The following AKT3 variants were observed in gnomAD, a reference collection of about 807,000 sequenced individuals.
AKT3 encodes AKT serine/threonine kinase 3.
Under a neutral mutation model 65.3 loss-of-function variants are expected in AKT3, and 15 were observed. The ratio of observed to expected loss-of-function variants is 0.23; its 90% CI spans 0.15 to 0.35. The LOEUF (loss-of-function observed/expected upper bound fraction) is 0.35, where lower values mean the gene tolerates loss of function less well. Among genes scored for constraint, AKT3 ranks in the 10% least tolerant of loss-of-function variants. The pLI, the probability that AKT3 is intolerant of heterozygous loss-of-function variation, is 1.00. For synonymous variants in AKT3, 206 were observed against 183.8 expected (o/e 1.12, Z -0.98); for missense variants, 243 against 576.5 (o/e 0.42, Z 5.92).
At chr1:243,788,107 T>G (rs981688084) in intron 2 of AKT3, among the ~76,000 whole-genome samples, 38 of 152,054 alleles carry the variant, frequency 2.5e-4, no homozygotes, top group African/African-American at 8.9e-4. Context: ...TCAGAGACAA[T>G]AATCTATTTT....
chr1:243,601,588 A>G (rs918966369), intron 8 of AKT3, among the ~76,000 whole-genome samples: 2 of 152,196 alleles, frequency 1.3e-5, no homozygotes, highest in African/African-American at 4.8e-5. Context: ...GATTAAAAAT[A>G]TATATTCACA....
At chr1:243,644,933 T>G (rs1680693114) in intron 5 of AKT3, among the ~76,000 whole-genome samples, 1 of 151,802 alleles carries the variant, frequency 6.6e-6, no homozygotes, top group Non-Finnish European at 1.5e-5. Flanking sequence ...ACAAACAGAG[T>G]AGAAATCTAC....
intron 5 of AKT3, among the ~76,000 whole-genome samples, chr1:243,642,503 G>T (rs984670622): frequency 1.3e-5 from 2 of 152,112 alleles, no homozygotes; most frequent in Admixed American, 6.5e-5. Context: ...TAGAGACGGG[G>T]TTTCACCGTG....
rs148282961 is a variant in AKT3 at position 243,846,754 on chromosome 1, T to C, written c.-113+3286A>G. Among the ~76,000 whole-genome samples, 29 of 152,340 alleles carry C rather than the reference T, an allele frequency of 1.9e-4. No individual in the cohort carries two copies. In the East Asian group the frequency reaches 4.6e-3, roughly 24 times the overall value. ...ACCAAATTTTGCAAATTTAGAATTA[T>C]CACTGTTAACTGTAATAATAGGTAC... On this transcript the variant is annotated intron_variant, in intron 1 of 13. Coordinates refer to ENST00000673466, the MANE Select transcript of AKT3 (RefSeq NM_005465.7).
chr1:243,547,324 T>C (rs1325324867), intron 11 of AKT3, among the ~76,000 whole-genome samples: 2 of 152,230 alleles, frequency 1.3e-5, no homozygotes, highest in African/African-American at 4.8e-5. Flanking sequence ...AATGACTTTT[T>C]AGTATTTATG....
chr1:243,654,082 A>G (rs1490489386), intron 4 of AKT3, among the ~76,000 whole-genome samples: 1 of 152,172 alleles, frequency 6.6e-6, no homozygotes, highest in African/African-American at 2.4e-5. Flanking sequence ...ATATGCCAGA[A>G]TAATTTCTAA....
chr1:243,689,481 GAT>G lies in AKT3; in HGVS notation c.172+6108_172+6109del, dbSNP rs1491342739. 2.3e-3 allele frequency among the ~76,000 whole-genome samples: 309 copies of G among 135,706 alleles called. 2 individuals carry two copies. Among genetic ancestry groups the G allele is most frequent in the African/African-American group, 8.4e-3 (293 of 34,806 alleles). 89.0% of individuals were successfully genotyped at this position (135,706 alleles called of 152,430 possible). A position where few individuals can be genotyped will look rare whatever the true frequency, so the allele number is the denominator to read the frequency against. ...TCTCTGTATATAATATTTATTCAAA[GAT>G]TTTTTTTTTTTTTTTTTTTTTAAAG... On this transcript the variant is annotated intron_variant, in intron 3 of 13. Transcript: ENST00000673466.
chr1:243,642,366 G>A (rs1680465438), intron 5 of AKT3, among the ~76,000 whole-genome samples: 1 of 152,246 alleles, frequency 6.6e-6, no homozygotes, highest in Non-Finnish European at 1.5e-5. Context: ...CTAGAGTGCA[G>A]TGGCACGATC....
At chr1:243,695,825 T>G (rs1480217785) in intron 2 of AKT3, 109 bp from the exon 3 acceptor site, 10 of 924,956 alleles carry the variant, frequency 1.1e-5, no homozygotes, top group Non-Finnish European at 1.4e-5. Flanking sequence ...CCTCCAAAAA[T>G]TTAGTTACTC....
chr1:243,673,557 G>A (rs1381443176), intron 3 of AKT3, among the ~76,000 whole-genome samples: 1 of 150,300 alleles, frequency 6.7e-6, no homozygotes, highest in Non-Finnish European at 1.5e-5. Flanking sequence ...GATGTACACA[G>A]GATATTTAAC....
chr1:243,707,388 T>C (rs1685870559), intron 2 of AKT3, among the ~76,000 whole-genome samples: 1 of 152,182 alleles, frequency 6.6e-6, no homozygotes, highest in Non-Finnish European at 1.5e-5. Context: ...AATAATGAAC[T>C]GAGTGTCGCT....
chr1:243,643,648 C>T (rs1680602229), intron 5 of AKT3, among the ~76,000 whole-genome samples: 2 of 152,178 alleles, frequency 1.3e-5, no homozygotes, highest in Non-Finnish European at 2.9e-5. Flanking sequence ...GCAGAGCAGA[C>T]ACTGTGGCGA....
At chr1:243,637,801 CAT>C in intron 5 of AKT3, 59 bp from the exon 6 acceptor site, 8 of 1,278,272 alleles carry the variant, frequency 6.3e-6, no homozygotes, top group Admixed American at 4.5e-5. Context: ...TATTTGTTAG[CAT>C]ATATATATGT....
chr1:243,583,468 C>T (rs1324910479), intron 8 of AKT3, among the ~76,000 whole-genome samples: 1 of 146,218 alleles, frequency 6.8e-6, no homozygotes, highest in African/African-American at 2.6e-5. Context: ...AGCCACAGAA[C>T]ATACATTCTT....
intron 9 of AKT3, among the ~76,000 whole-genome samples, 192 bp from the exon 10 acceptor site, chr1:243,564,040 C>T (rs868339890): frequency 3.2e-4 from 49 of 152,064 alleles, no homozygotes; most frequent in Non-Finnish European, 1.6e-4. Context: ...AAATACTTCA[C>T]GATGATAAAA....
intron 13 of AKT3, among the ~76,000 whole-genome samples, chr1:243,506,283 T>A (rs988407626): frequency 6.6e-6 from 1 of 152,228 alleles, no homozygotes; most frequent in African/African-American, 2.4e-5. Flanking sequence ...CTAAGCTTGT[T>A]TAATCATATG....
Position 243,642,454 on chromosome 1 carries a change from C to T in AKT3, c.429+3439G>A, listed in dbSNP as rs368444023. On this transcript the variant is annotated intron_variant, in intron 5 of 13. Coordinates refer to ENST00000673466, the MANE Select transcript of AKT3 (RefSeq NM_005465.7). ...CCTCCCGAGTAGCTGGGACTACAGG[C>T]GCCCGCCACCACGCCTGGTTAATTT... Among the ~76,000 whole-genome samples the T allele has an allele frequency of 5.2e-4, 79 of 152,268 alleles. 1 individual carries two copies. In the South Asian group the frequency reaches 8.1e-3, roughly 16 times the overall value.
chr1:243,758,947 C>G (rs888674016), intron 2 of AKT3, among the ~76,000 whole-genome samples: 1 of 152,100 alleles, frequency 6.6e-6, no homozygotes, highest in African/African-American at 2.4e-5. Context: ...TGATATGGGA[C>G]GCTACAGGAG....
intron 13 of AKT3, among the ~76,000 whole-genome samples, chr1:243,491,182 C>A (rs1236493506): frequency 6.6e-6 from 1 of 152,258 alleles, no homozygotes; most frequent in Non-Finnish European, 1.5e-5. Context: ...TAGATCTTAA[C>A]ATGGATCACC....
Sources: gnomAD v4.1 joint callset for allele counts (sites outside exome capture counted in the v4.1 genomes callset) on GRCh38, gnomAD v4.1.1 for gene constraint, MANE v1.5 for transcripts, NCBI Gene and HGNC (gene_info 2026-07-23, HGNC 2026-07-21) for gene names.